The following ZNF490 variants were observed in gnomAD, a reference collection of about 807,000 sequenced individuals.
ZNF490 encodes zinc finger protein 490.
Under a neutral mutation model 17.7 loss-of-function variants are expected in ZNF490, and 11 were observed. The observed-to-expected ratio is 0.62, with a 90% CI of 0.39 to 1.03. The LOEUF (loss-of-function observed/expected upper bound fraction) is 1.03. Among genes scored for constraint, ZNF490 ranks in the 50% least tolerant of loss-of-function variants. ZNF490 has a pLI of 0.00. For synonymous variants in ZNF490, 222 were observed against 216.1 expected (o/e 1.03, Z -0.24); for missense variants, 542 against 643.4 (o/e 0.84, Z 1.71).
At chr19:12,609,235 T>G (rs921423641) in intron 1 of ZNF490, 33 bp from the exon 2 acceptor site, 6 of 1,606,524 alleles carry the variant, frequency 3.7e-6, no homozygotes, top group Non-Finnish European at 5.1e-6. Context: ...ATTTTGTGAG[T>G]TTCAGCAATT....
intron 2 of ZNF490, among the ~76,000 whole-genome samples, chr19:12,592,594 G>A (rs905994405): frequency 6.6e-6 from 1 of 152,084 alleles, no homozygotes; most frequent in Non-Finnish European, 1.5e-5. Context: ...GAGAAGCACA[G>A]GGGATATTTA....
At chr19:12,599,229 A>T (rs1352790831) in intron 2 of ZNF490, among the ~76,000 whole-genome samples, 1 of 151,690 alleles carries the variant, frequency 6.6e-6, no homozygotes, top group African/African-American at 2.4e-5. Context: ...ATTTTTGGTT[A>T]AAAAAAGCAT....
rs1420416008 is a variant in ZNF490 at position 12,578,917 on chromosome 19, T to A, written c.*1568A>T. ...TGAAGATGTTCCCATATTGCTTACA[T>A]TTAAGAAGGTGGCTCTCCAGTGTGG... On this transcript the variant is annotated 3_prime_UTR_variant, in exon 5 of 5. Coordinates refer to ENST00000311437, the MANE Select transcript of ZNF490 (RefSeq NM_020714.3). The A allele has an allele frequency of 2.0e-6, 2 of 985,326 alleles. No homozygotes were observed. Among genetic ancestry groups the A allele is most frequent in the African/African-American group, 3.5e-5 (2 of 57,226 alleles). 61.0% of individuals were successfully genotyped at this position (985,326 alleles called of 1,614,324 possible).
At position 12,581,630 on chromosome 19, in the gene ZNF490, T is replaced by G. The variant is rs1399272880; in HGVS notation, c.445A>C (p.Thr149Pro). The change falls in exon 5 of 5, where the codon ACT becomes CCT. Residue 149 changes from threonine (T) to proline (P), a missense_variant. By Grantham distance (38) the Thr-to-Pro change is conservative. Coordinates refer to ENST00000311437, the MANE Select transcript of ZNF490 (RefSeq NM_020714.3). ...TCACATGGTTTTAATCCAGTAGGAG[T>G]TTCCAGGTTCGTATTAAGATCAGGA... ...QIPDLNTNLE[T>P]PTGLKPCDCS... is the part of the protein sequence containing the mutation. 6.2e-7 allele frequency: 1 copy of G among 1,614,138 alleles called. No individual in the cohort carries two copies. The highest frequency in any genetic ancestry group is 1.7e-5 in the Admixed American group (1 of 59,994).
At chr19:12,586,788 A>G (rs566464066) in intron 2 of ZNF490, among the ~76,000 whole-genome samples, 1 of 93,930 alleles carries the variant, frequency 1.1e-5, no homozygotes, top group East Asian at 2.0e-4. Flanking sequence ...AAAAAAGAAC[A>G]CCTGGCCAGG....
intron 2 of ZNF490, among the ~76,000 whole-genome samples, chr19:12,600,089 G>A (rs372185688): frequency 1.6e-4 from 25 of 152,222 alleles, no homozygotes; most frequent in African/African-American, 4.3e-4. Flanking sequence ...TAGGCCAGGC[G>A]CCGTGGCTCA....
intron 2 of ZNF490, among the ~76,000 whole-genome samples, chr19:12,603,188 G>C (rs1442194372): frequency 6.6e-6 from 1 of 152,046 alleles, no homozygotes; most frequent in African/African-American, 2.4e-5. Flanking sequence ...TAAGCGACTA[G>C]AGCAATTGGA....
rs756498357 is a variant in ZNF490 at position 12,579,245 on chromosome 19, CAAA to C, written c.*1237_*1239del. 4 of 93,068 alleles carry C rather than the reference CAAA, an allele frequency of 4.3e-5. No homozygotes were observed. Among genetic ancestry groups the C allele is most frequent in the East Asian group, 3.5e-4 (1 of 2,846 alleles). The allele number at this position is 93,068 out of a possible 1,614,324, so 5.8% of individuals were successfully genotyped here. A position where few individuals can be genotyped will look rare whatever the true frequency, so the allele number is the denominator to read the frequency against. On this transcript the variant is annotated 3_prime_UTR_variant, in exon 5 of 5. Transcript: ENST00000311437. ...TCCAGCCTGGGCAAGGACTCCGTCTCAAAAAAAAAAAAAAAGAACTGGGGGCCG... is the reference window on the plus strand; with the variant it reads ...TCCAGCCTGGGCAAGGACTCCGTCTCAAAAAAAAAAAAGAACTGGGGGCCG...
chr19:12,598,488 C>T (rs2145158887), intron 2 of ZNF490, among the ~76,000 whole-genome samples: 1 of 150,954 alleles, frequency 6.6e-6, no homozygotes, highest in South Asian at 2.1e-4. Flanking sequence ...GATTCTCCCG[C>T]CTCAGCCTCC....
intron 2 of ZNF490, among the ~76,000 whole-genome samples, chr19:12,606,099 C>CA (rs1281173171): frequency 1.3e-5 from 2 of 151,796 alleles, no homozygotes; most frequent in African/African-American, 4.8e-5. Context: ...AGGCTGGTCT[C>CA]AAACTCCCGA....
At chr19:12,589,969 C>T (rs1338007843) in intron 2 of ZNF490, among the ~76,000 whole-genome samples, 1 of 152,088 alleles carries the variant, frequency 6.6e-6, no homozygotes, top group East Asian at 1.9e-4. Flanking sequence ...GGCTGGAGTG[C>T]ACTGGCACGA....
At chr19:12,610,229 G>T (rs1405725766) in intron 1 of ZNF490, among the ~76,000 whole-genome samples, 2 of 150,806 alleles carry the variant, frequency 1.3e-5, no homozygotes, top group African/African-American at 4.9e-5. Context: ...TCTTGGGATG[G>T]GTTCTGGCCA....
At chr19:12,597,842 G>C (rs1004382583) in intron 2 of ZNF490, among the ~76,000 whole-genome samples, 1 of 152,078 alleles carries the variant, frequency 6.6e-6, no homozygotes, top group Non-Finnish European at 1.5e-5. Context: ...TCAGCACTTC[G>C]GGAGGATCCC....
intron 2 of ZNF490, among the ~76,000 whole-genome samples, chr19:12,595,126 A>T: frequency 6.6e-6 from 1 of 152,064 alleles, no homozygotes; most frequent in Non-Finnish European, 1.5e-5. Context: ...AGCCAAGCAC[A>T]TGCAGTGTCC....
At chr19:12,592,351 G>A (rs1047508787) in intron 2 of ZNF490, among the ~76,000 whole-genome samples, 1 of 151,588 alleles carries the variant, frequency 6.6e-6, no homozygotes, top group African/African-American at 2.4e-5. Context: ...CTTGAGTCTG[G>A]GAGTTCAAGA....
intron 1 of ZNF490, chr19:12,609,850 G>C: frequency 2.3e-6 from 1 of 431,980 alleles, no homozygotes. Context: ...AGAGAGGGGG[G>C]ATGAGGGATG....
intron 2 of ZNF490, among the ~76,000 whole-genome samples, chr19:12,594,465 CA>C (rs112237787): frequency 0.046 from 4,919 of 106,082 alleles, 261 homozygotes; most frequent in African/African-American, 0.15. Flanking sequence ...GACTCCATCT[CA>C]AAAAAAAAAA....
chr19:12,595,422 G>T (rs2022920380), intron 2 of ZNF490, among the ~76,000 whole-genome samples: 1 of 151,804 alleles, frequency 6.6e-6, no homozygotes, highest in Non-Finnish European at 1.5e-5. Context: ...CTTTTTTTTA[G>T]TTGCATAATT....
intron 2 of ZNF490, among the ~76,000 whole-genome samples, chr19:12,602,079 TACACAC>T (rs61568541): frequency 0.057 from 3,887 of 68,618 alleles, 178 homozygotes; most frequent in African/African-American, 0.14. Flanking sequence ...GTTCACTATA[TACACAC>T]ACACACACAC....
Sources: gnomAD v4.1 joint callset for allele counts (sites outside exome capture counted in the v4.1 genomes callset) on GRCh38, gnomAD v4.1.1 for gene constraint, MANE v1.5 for transcripts, NCBI Gene and HGNC (gene_info 2026-07-23, HGNC 2026-07-21) for gene names.